Variants in SDK1 observed in about 807,000 individuals in gnomAD.
SDK1 encodes the protein protein sidekick-1.
In SDK1, 157 loss-of-function variants were observed where a neutral mutation model predicts 245.5. That is an observed-to-expected ratio of 0.64 (90% CI 0.56 to 0.73). The LOEUF (loss-of-function observed/expected upper bound fraction) is 0.73. Ranked by LOEUF, SDK1 falls within the 30% of genes least tolerant of loss-of-function variation. The pLI is 0.00. For missense variants in SDK1, 3,583 were observed against 3,002.3 expected, an observed-to-expected ratio of 1.19 and a Z score of -4.52; for synonymous variants, 1,647 against 1,278.5, an observed-to-expected ratio of 1.29 and a Z score of -6.15.
rs1370308879 is a variant in SDK1 at position 4,178,038 on chromosome 7, C to G, written c.4997-447C>G. 4.6e-5 allele frequency among the ~76,000 whole-genome samples: 7 copies of G among 152,230 alleles called. No homozygotes were observed. The East Asian group carries it at 1.4e-3, about 29-fold the overall frequency. ...ATAGGGTTTGCACTTCTGTGAGAGT[C>G]TAAGCTGATCTGACAGGAGGCAGAA... is the stretch of plus-strand genomic sequence containing the variant. On this transcript the variant is annotated intron_variant, in intron 34 of 44. Coordinates refer to ENST00000404826, the MANE Select transcript of SDK1 (RefSeq NM_152744.4).
chr7:3,800,370 C>CTTACTTATTTATTTATTTAT lies in SDK1; in HGVS notation c.714-21077_714-21076insCTTATTTATTTATTTATTTA, dbSNP rs1554263702. 3.5e-3 allele frequency among the ~76,000 whole-genome samples: 516 copies of CTTACTTATTTATTTATTTAT among 148,976 alleles called. 5 individuals are homozygous for CTTACTTATTTATTTATTTAT. Among genetic ancestry groups the CTTACTTATTTATTTATTTAT allele is most frequent in the African/African-American group, 0.012 (497 of 39,946 alleles). On this transcript the variant is annotated intron_variant, in intron 4 of 44. Coordinates refer to ENST00000404826, the MANE Select transcript of SDK1 (RefSeq NM_152744.4). ...CATCTTTTACTTACTTACTTACTTA[C>CTTACTTATTTATTTATTTAT]TTATTTATTTATTTATTTATTTATT... is the stretch of plus-strand genomic sequence containing the variant.
chr7:4,007,890 T>A (rs546898712), intron 14 of SDK1, among the ~76,000 whole-genome samples: 1 of 152,278 alleles, frequency 6.6e-6, no homozygotes, highest in East Asian at 1.9e-4. Context: ...AGGCATTGTT[T>A]TAATCTTTAA....
At chr7:4,262,161 C>T (rs1788059380) in intron 44 of SDK1, among the ~76,000 whole-genome samples, 1 of 150,166 alleles carries the variant, frequency 6.7e-6, no homozygotes, top group African/African-American at 2.5e-5. Flanking sequence ...GCCTCAGCCT[C>T]CCAAGTAGCT....
At chr7:3,378,544 G>T (rs113931393) in intron 1 of SDK1, among the ~76,000 whole-genome samples, 2 of 152,140 alleles carry the variant, frequency 1.3e-5, no homozygotes, top group Non-Finnish European at 2.9e-5. Flanking sequence ...GTCGGGCAGG[G>T]ATTTGGATCC....
chr7:3,842,422 ATGGGTACTGGGTCACTGTGCTGGCG>A (rs796125512), intron 5 of SDK1, among the ~76,000 whole-genome samples: 2,743 of 152,136 alleles, frequency 0.018, 88 homozygotes, highest in African/African-American at 0.063. Context: ...CTGTATTGGC[ATGGGTACTGGGTCACTGTGCTGGCG>A]TGGGTACTGG....
intron 26 of SDK1, among the ~76,000 whole-genome samples, chr7:4,127,796 C>T (rs1358290654): frequency 2.6e-5 from 4 of 152,256 alleles, no homozygotes; most frequent in African/African-American, 7.2e-5. Context: ...CTCAGTGCCG[C>T]GGGCCAGTTA....
intron 36 of SDK1, among the ~76,000 whole-genome samples, chr7:4,207,115 A>G (rs926433005): frequency 1.3e-5 from 2 of 152,236 alleles, no homozygotes; most frequent in African/African-American, 4.8e-5. Context: ...AGCCCACTAC[A>G]TCCTGCAGGT....
chr7:4,011,090 C>A lies in SDK1; in HGVS notation c.2256C>A (p.Gly752=), dbSNP rs750506096. The A allele has an allele frequency of 2.5e-6, 4 of 1,613,986 alleles. No homozygotes were observed. In the East Asian group the frequency reaches 8.9e-5, roughly 36 times the overall value. Residue 752 remains glycine (G), a synonymous_variant, in exon 15 of 45, where the codon GGC becomes GGA. Transcript: ENST00000404826. ...RVCAVNEVGR[G]QYSAETSRLM... ...GCGCGGTGAATGAAGTGGGCAGGGG[C>A]CAGTACAGCGCCGAGACAAGCAGGT...
chr7:3,936,482 G>A (rs1263980243), intron 5 of SDK1, among the ~76,000 whole-genome samples: 1 of 152,002 alleles, frequency 6.6e-6, no homozygotes, highest in African/African-American at 2.4e-5. Flanking sequence ...CTACTCGGGA[G>A]GCTGAGGCAG....
chr7:4,046,136 C>G (rs1372028876), intron 17 of SDK1, among the ~76,000 whole-genome samples: 1 of 151,604 alleles, frequency 6.6e-6, no homozygotes, highest in Non-Finnish European at 1.5e-5. Flanking sequence ...GCGGTGGGGT[C>G]TCACTATGTT....
chr7:3,857,877 A>T (rs1428672963), intron 5 of SDK1, among the ~76,000 whole-genome samples: 1 of 152,214 alleles, frequency 6.6e-6, no homozygotes, highest in Non-Finnish European at 1.5e-5. Flanking sequence ...AAGCTATTAA[A>T]TATTTTTGAA....
intron 4 of SDK1, among the ~76,000 whole-genome samples, chr7:3,774,029 A>G (rs1011204934): frequency 2.2e-4 from 34 of 152,060 alleles, no homozygotes; most frequent in African/African-American, 8.0e-4. Flanking sequence ...CCTGGCTAAC[A>G]TGGTGAAACC....
intron 40 of SDK1, among the ~76,000 whole-genome samples, chr7:4,228,332 A>T (rs546248016): frequency 6.6e-6 from 1 of 152,224 alleles, no homozygotes; most frequent in Admixed American, 6.5e-5. Context: ...GACAGGTGTG[A>T]TTTGCAGTCA....
At chr7:4,233,973 C>T (rs1036315876) in intron 41 of SDK1, among the ~76,000 whole-genome samples, 6 of 152,196 alleles carry the variant, frequency 3.9e-5, no homozygotes, top group African/African-American at 9.6e-5. Context: ...GTGTCCCCTC[C>T]GCAACAAAAT....
chr7:3,580,149 A>C (rs768896732), intron 1 of SDK1, among the ~76,000 whole-genome samples: 1 of 152,224 alleles, frequency 6.6e-6, no homozygotes, highest in African/African-American at 2.4e-5. Context: ...GAGATGACAC[A>C]AACAAATAGA....
intron 17 of SDK1, among the ~76,000 whole-genome samples, chr7:4,031,332 C>T (rs1787804568): frequency 6.6e-6 from 1 of 152,030 alleles, no homozygotes; most frequent in Non-Finnish European, 1.5e-5. Flanking sequence ...TATATTTTGC[C>T]ATATTATTAG....
chr7:4,231,317 A>C (rs1785745200), intron 40 of SDK1, among the ~76,000 whole-genome samples: 1 of 151,878 alleles, frequency 6.6e-6, no homozygotes, highest in Non-Finnish European at 1.5e-5. Flanking sequence ...TAATTCCAGC[A>C]CTTTGAGAGG....
chr7:3,958,513 A>C (rs1393233291), intron 7 of SDK1, among the ~76,000 whole-genome samples: 1 of 152,196 alleles, frequency 6.6e-6, no homozygotes. Context: ...AAATATGTTA[A>C]TAGGCTGTTG....
chr7:3,822,827 A>G (rs1779679176), intron 5 of SDK1, among the ~76,000 whole-genome samples: 1 of 152,030 alleles, frequency 6.6e-6, no homozygotes, highest in South Asian at 2.1e-4. Flanking sequence ...TTTGCCTGAC[A>G]TGGCCCTCGA....
Sources: allele counts gnomAD v4.1 joint callset (sites outside exome capture counted in the v4.1 genomes callset), GRCh38; gene constraint gnomAD v4.1.1; transcripts MANE v1.5; gene names NCBI Gene and HGNC (gene_info 2026-07-23, HGNC 2026-07-21).